RNF103: variants seen among roughly 807,000 people sequenced by gnomAD.
RNF103 encodes the protein ring finger protein 103.
In RNF103, 23 loss-of-function variants were observed where a neutral mutation model predicts 66.2. The ratio of observed to expected loss-of-function variants is 0.35; its 90% CI spans 0.25 to 0.49. The LOEUF (loss-of-function observed/expected upper bound fraction) is 0.49. Among genes scored for constraint, RNF103 ranks in the 20% least tolerant of loss-of-function variants. The probability of loss-of-function intolerance (pLI) is 0.98; values close to 1 mark genes in which losing one functional copy is unlikely to be tolerated. For missense variants in RNF103, 730 were observed against 814.7 expected (o/e 0.90, Z 1.27); for synonymous variants, 297 against 289.9 (o/e 1.02, Z -0.25).
Position 86,623,809 on chromosome 2 carries a change from G to GCCGTACCCTCCACAA in RNF103, c.-938_-924dup. On this transcript the variant is annotated 5_prime_UTR_variant, in exon 1 of 4. Transcript: ENST00000237455. ...ACCCCCGCCACCTCCGGAGACCGCG[G>GCCGTACCCTCCACAA]CCGTACCCTCCACAACCGTGTATCA... 1 of 1,284,784 alleles carries GCCGTACCCTCCACAA rather than the reference G, an allele frequency of 7.8e-7. No homozygotes were observed. The highest frequency in any genetic ancestry group is 1.0e-6 in the Non-Finnish European group (1 of 987,158). 79.6% of individuals were successfully genotyped at this position (1,284,784 alleles called of 1,614,324 possible). A position where few individuals can be genotyped will look rare whatever the true frequency, so the allele number is the denominator to read the frequency against.
intron 2 of RNF103, among the ~76,000 whole-genome samples, chr2:86,615,560 A>G (rs1678987616): frequency 6.7e-6 from 1 of 148,990 alleles, no homozygotes; most frequent in South Asian, 2.1e-4. Context: ...CACACACACT[A>G]TGTCATACCA....
Position 86,604,952 on chromosome 2 carries a change from G to A in RNF103, c.949C>T (p.Arg317Cys), listed in dbSNP as rs989413693. The part of the protein sequence containing the change: ...ISLQAMDSFL[R>C]SLQPEVNDLF... ...TCATTTACCTCGGGTTGTAATGAGC[G>A]CAAAAATGAATCCATGGCCTGAAGG... is the stretch of plus-strand genomic sequence containing the variant. Residue 317 changes from arginine (R) to cysteine (C), a missense_variant, in exon 4 of 4, where the codon CGC becomes TGC. Arg to Cys is a radical substitution (Grantham distance 180). Around this residue, in one of 3 missense-constraint regions of RNF103, gnomAD observed 48 missense variants for 93.0 expected, o/e 0.52. Coordinates refer to ENST00000237455, the MANE Select transcript of RNF103 (RefSeq NM_005667.4). 7.4e-6 allele frequency: 12 copies of A among 1,613,884 alleles called. No homozygotes were observed. Among genetic ancestry groups the A allele is most frequent in the Middle Eastern group, 1.6e-4 (1 of 6,082 alleles).
intron 3 of RNF103, among the ~76,000 whole-genome samples, chr2:86,607,614 A>G (rs1027153631): frequency 1.3e-5 from 2 of 152,228 alleles, no homozygotes; most frequent in Admixed American, 6.5e-5. Context: ...CTTCTACTCA[A>G]TGCAAAATAA....
chr2:86,622,609 G>C, intron 1 of RNF103, 52 bp downstream of exon 1: 1 of 1,567,606 alleles, frequency 6.4e-7, no homozygotes, highest in Admixed American at 1.7e-5. Flanking sequence ...AGGAGGTACA[G>C]GTCGTCCCCT....
chr2:86,612,116 C>G (rs769004599), intron 3 of RNF103, 43 bp downstream of exon 3: 1 of 1,292,406 alleles, frequency 7.7e-7, no homozygotes, highest in Non-Finnish European at 1.1e-6. Context: ...TAAGAAAGAT[C>G]CTGGTCAGGA....
chr2:86,610,773 T>C (rs1678757688), intron 3 of RNF103, among the ~76,000 whole-genome samples: 1 of 152,184 alleles, frequency 6.6e-6, no homozygotes, highest in Admixed American at 6.5e-5. Context: ...TCATTTGTTC[T>C]AGTATTGTAA....
intron 2 of RNF103, chr2:86,616,983 C>A (rs1679047162): frequency 9.1e-6 from 9 of 985,318 alleles, no homozygotes; most frequent in Non-Finnish European, 1.1e-5. Flanking sequence ...GCCAAAGAAT[C>A]CACAAAACTG....
chr2:86,620,987 C>T lies in RNF103; in HGVS notation c.227-518G>A, dbSNP rs1679210061. Among the ~76,000 whole-genome samples, 3 of 152,008 alleles carry T rather than the reference C, an allele frequency of 2.0e-5. No individual in the cohort carries two copies. In the South Asian group the frequency reaches 6.2e-4, roughly 32 times the overall value. ...CTTTACCTGTTAGACAGAACAAACT[C>T]CATATTCATATACAAATTTATATTA... On this transcript the variant is annotated intron_variant, in intron 1 of 3. Transcript: ENST00000237455.
At position 86,620,316 on chromosome 2, in the gene RNF103, A is replaced by G; in HGVS notation, c.366+14T>C. ...AGGGCTCTCGAATTATCAAATTATTACTGCTTTTCATACCTGAACCAGCCA... is the reference window on the plus strand; with the variant it reads ...AGGGCTCTCGAATTATCAAATTATTGCTGCTTTTCATACCTGAACCAGCCA... On this transcript the variant is annotated intron_variant, in intron 2 of 3. Transcript: ENST00000237455. The G allele has an allele frequency of 6.3e-7, 1 of 1,581,366 alleles. No homozygotes were observed. The highest frequency in any genetic ancestry group is 8.6e-7 in the Non-Finnish European group (1 of 1,158,930).
intron 3 of RNF103, among the ~76,000 whole-genome samples, chr2:86,609,143 T>C (rs1573356234): frequency 6.6e-6 from 1 of 152,188 alleles, no homozygotes; most frequent in East Asian, 1.9e-4. Flanking sequence ...TAGTGAGTTC[T>C]AGCTTTGGCA....
At chr2:86,622,198 C>T (rs1030109862) in intron 1 of RNF103, among the ~76,000 whole-genome samples, 4 of 152,134 alleles carry the variant, frequency 2.6e-5, no homozygotes, top group African/African-American at 9.7e-5. Context: ...ATCCTAGGCC[C>T]AAGTGCCTCT....
Position 86,622,659 on chromosome 2 carries a change from G to C in RNF103, c.226+2C>G, listed in dbSNP as rs1679276323. 1 of 1,613,780 alleles carries C rather than the reference G, an allele frequency of 6.2e-7. No individual in the cohort carries two copies. Among genetic ancestry groups the C allele is most frequent in the Non-Finnish European group, 8.5e-7 (1 of 1,179,942 alleles). On this transcript the variant is annotated splice_donor_variant, in intron 1 of 3. Transcript: ENST00000237455. LOFTEE classifies it high-confidence loss of function. ...GGACCCTAGGGGAAGCCCGATACTC[G>C]CCTGACTTTTCCACCAGCTCCCGGA...
At chr2:86,616,999 T>G in intron 2 of RNF103, 2 of 985,224 alleles carry the variant, frequency 2.0e-6, no homozygotes, top group Non-Finnish European at 2.4e-6. Flanking sequence ...AACTGTTAAA[T>G]GAATAGCTAA....
Position 86,623,683 on chromosome 2 carries a change from C to G in RNF103, c.-797G>C. Reference sequence around the variant, plus strand: ...TCGGAGGGAAAAAACCAATAATAGGCCCCGAGACTGCTCCTCCAGGCGGCT... The same window carrying G: ...TCGGAGGGAAAAAACCAATAATAGGGCCCGAGACTGCTCCTCCAGGCGGCT... On this transcript the variant is annotated 5_prime_UTR_variant, in exon 1 of 4. Transcript: ENST00000237455. 3 of 1,216,678 alleles carry G rather than the reference C, an allele frequency of 2.5e-6. No homozygotes were observed. Among genetic ancestry groups the G allele is most frequent in the Non-Finnish European group, 3.1e-6 (3 of 956,594 alleles). The allele number at this position is 1,216,678 out of a possible 1,614,324, so 75.4% of individuals were successfully genotyped here.
chr2:86,616,455 T>C (rs1679025669), intron 2 of RNF103: 2 of 938,704 alleles, frequency 2.1e-6, no homozygotes, highest in Non-Finnish European at 2.5e-6. Flanking sequence ...TTTTGTATTC[T>C]TACATAGAAT....
Position 86,622,869 on chromosome 2 carries a change from A to C in RNF103, c.18T>G (p.Phe6Leu), listed in dbSNP as rs1164733389. Residue 6 changes from phenylalanine to leucine, a missense_variant, in exon 1 of 4, where the codon TTT becomes TTG. This residue lies in a region of RNF103 where 327 missense variants were observed against 369.8 expected (regional missense o/e 0.88). Transcript: ENST00000237455. MWLKLFFLLLYFLVLF... is the reference protein window; with the variant it reads MWLKLLFLLLYFLVLF... ...GGACCAGGAAATAGAGGAGCAAGAA[A>C]AAAAGCTTCAGCCACATCTTCCCTG... is the stretch of plus-strand genomic sequence containing the variant. The C allele has an allele frequency of 4.4e-6, 7 of 1,608,932 alleles. No individual in the cohort carries two copies. In the East Asian group the frequency reaches 1.6e-4, roughly 36 times the overall value.
At position 86,623,348 on chromosome 2, in the gene RNF103, CGGCAGGCCGGGGCCCGAGGGGCCGTGG is replaced by C; in HGVS notation, c.-489_-463del. ...TCCGCCCAGGAGGCGGGGATCCGGG[CGGCAGGCCGGGGCCCGAGGGGCCGTGG>C]GGGCCGGACTCCCGCGGCCGCGGGT... is the stretch of plus-strand genomic sequence containing the variant. On this transcript the variant is annotated 5_prime_UTR_variant, in exon 1 of 4. Coordinates refer to ENST00000237455, the MANE Select transcript of RNF103 (RefSeq NM_005667.4). 5 of 983,908 alleles carry C rather than the reference CGGCAGGCCGGGGCCCGAGGGGCCGTGG, an allele frequency of 5.1e-6. No individual in the cohort carries two copies. Among genetic ancestry groups the C allele is most frequent in the Non-Finnish European group, 6.0e-6 (5 of 829,402 alleles). The allele number at this position is 983,908 out of a possible 1,614,324, so 60.9% of individuals were successfully genotyped here. A position where few individuals can be genotyped will look rare whatever the true frequency, so the allele number is the denominator to read the frequency against.
At chr2:86,621,204 TGA>T (rs1447129673) in intron 1 of RNF103, among the ~76,000 whole-genome samples, 1 of 152,180 alleles carries the variant, frequency 6.6e-6, no homozygotes, top group African/African-American at 2.4e-5. Context: ...ACGTGTGATT[TGA>T]GTCATACTGG....
At chr2:86,622,605 T>TAC in intron 1 of RNF103, 56 bp downstream of exon 1, 1 of 1,551,770 alleles carries the variant, frequency 6.4e-7, no homozygotes, top group Admixed American at 1.7e-5. Context: ...TACCAGGAGG[T>TAC]ACAGGTCGTC....
Sources: allele counts gnomAD v4.1 joint callset (sites outside exome capture counted in the v4.1 genomes callset), GRCh38; gene constraint gnomAD v4.1.1; regional missense constraint gnomAD v4.1.1; transcripts MANE v1.5; gene names NCBI Gene and HGNC (gene_info 2026-07-23, HGNC 2026-07-21).